The following NAA60 variants were observed in gnomAD, a reference collection of about 807,000 sequenced individuals.
NAA60 encodes the protein N-alpha-acetyltransferase 60, NatF catalytic subunit, also known as N-alpha-acetyltransferase 60.
In NAA60, 8 loss-of-function variants were observed where a neutral mutation model predicts 26.1. The observed-to-expected ratio is 0.31, with a 90% CI of 0.18 to 0.55. The LOEUF is 0.55. Ranked by LOEUF, NAA60 falls within the 20% of genes least tolerant of loss-of-function variation. The pLI, the probability that NAA60 is intolerant of heterozygous loss-of-function variation, is 0.93. For missense variants in NAA60, 290 were observed against 311.3 expected, an observed-to-expected ratio of 0.93 and a Z score of 0.51; for synonymous variants, 131 against 122.5, an observed-to-expected ratio of 1.07 and a Z score of -0.46.
rs1363318912 is a variant in NAA60 at position 3,483,694 on chromosome 16, G to A, written c.572+97G>A. On this transcript the variant is annotated intron_variant, in intron 6 of 7. Coordinates refer to ENST00000407558, the MANE Select transcript of NAA60 (RefSeq NM_001083601.3). ...GGAGCTGTGGTCCCCCTCAGATGATGTTCAGGTGGCCAAGCTTATGGATGC... is the reference window on the plus strand; with the variant it reads ...GGAGCTGTGGTCCCCCTCAGATGATATTCAGGTGGCCAAGCTTATGGATGC... 21 of 941,684 alleles carry A rather than the reference G, an allele frequency of 2.2e-5. No homozygotes were observed. In the East Asian group the frequency reaches 5.0e-4, roughly 23 times the overall value. 58.3% of individuals were successfully genotyped at this position (941,684 alleles called of 1,614,324 possible). A position where few individuals can be genotyped will look rare whatever the true frequency, so the allele number is the denominator to read the frequency against.
At chr16:3,463,998 A>G (rs2035582869) in intron 2 of NAA60, among the ~76,000 whole-genome samples, 1 of 152,262 alleles carries the variant, frequency 6.6e-6, no homozygotes, top group Non-Finnish European at 1.5e-5. Context: ...TTGCTGGGGC[A>G]GATTCAGGCA....
chr16:3,475,692 G>A (rs2151002698), intron 2 of NAA60, among the ~76,000 whole-genome samples: 1 of 152,222 alleles, frequency 6.6e-6, no homozygotes, highest in Middle Eastern at 3.4e-3. Flanking sequence ...GAGAAATTGG[G>A]GTGTGACCCA....
At position 3,443,715 on chromosome 16, in the gene NAA60, G is replaced by C. The variant is rs752311824; in HGVS notation, c.-199G>C. 4.0e-5 allele frequency: 59 copies of C among 1,465,826 alleles called. 1 individual carries two copies. Among genetic ancestry groups the C allele is most frequent in the Non-Finnish European group, 4.9e-5 (55 of 1,111,152 alleles). The allele number at this position is 1,465,826 out of a possible 1,614,324, so 90.8% of individuals were successfully genotyped here. ...TGGCGGGGTCTCCTCCGTGAGCTCC[G>C]GGCCTGTTTGCCTGCTGAAGTAGAG... On this transcript the variant is annotated 5_prime_UTR_variant, in exon 1 of 8. Transcript: ENST00000407558.
chr16:3,454,587 G>A (rs1020114751), intron 2 of NAA60, among the ~76,000 whole-genome samples: 9 of 152,304 alleles, frequency 5.9e-5, no homozygotes, highest in Middle Eastern at 3.4e-3. Context: ...CACAAACTGA[G>A]TAGCCTGTTA....
chr16:3,456,360 T>G (rs542301613), intron 2 of NAA60, among the ~76,000 whole-genome samples: 32 of 152,312 alleles, frequency 2.1e-4, no homozygotes, highest in African/African-American at 7.0e-4. Context: ...TTTTGCCTGT[T>G]TTTATGATTG....
intron 4 of NAA60, 76 bp from the exon 5 acceptor site, chr16:3,482,425 GC>G: frequency 8.1e-7 from 1 of 1,230,790 alleles, no homozygotes; most frequent in Non-Finnish European, 1.2e-6. Flanking sequence ...TCGGTGCGGA[GC>G]CCGCCTGGGC....
chr16:3,482,522 C>G lies in NAA60; in HGVS notation c.261C>G (p.Ser87=). The stretch of plus-strand genomic sequence containing the variant: ...TCTAGGATGGAGATATTCTAGCATC[C>G]AACTTCTCTGTTGACACACAAGTCG... ...IHKEDGDILA[S]NFSVDTQVAY... The change falls in exon 5 of 8, where the codon TCC becomes TCG. Residue 87 remains serine (S), a synonymous_variant. Coordinates refer to ENST00000407558, the MANE Select transcript of NAA60 (RefSeq NM_001083601.3). 1.9e-6 allele frequency: 3 copies of G among 1,605,034 alleles called. No individual in the cohort carries two copies. Among genetic ancestry groups the G allele is most frequent in the Non-Finnish European group, 2.6e-6 (3 of 1,175,852 alleles).
At chr16:3,447,602 C>G (rs1198377101) in intron 1 of NAA60, 1 of 985,292 alleles carries the variant, frequency 1.0e-6, no homozygotes, top group East Asian at 1.1e-4. Flanking sequence ...GCCTTCTCAC[C>G]TACACTAAGG....
intron 4 of NAA60, among the ~76,000 whole-genome samples, chr16:3,480,446 A>T (rs1012096418): frequency 6.6e-6 from 1 of 151,720 alleles, no homozygotes; most frequent in Non-Finnish European, 1.5e-5. Flanking sequence ...AAAATACAAA[A>T]ATTAGCCGGG....
rs371294887 is a variant in NAA60 at position 3,476,253 on chromosome 16, C to T, written c.26C>T (p.Ala9Val). The T allele has an allele frequency of 1.7e-5, 27 of 1,613,628 alleles. No homozygotes were observed. Among genetic ancestry groups the T allele is most frequent in the Admixed American group, 6.7e-5 (4 of 59,962 alleles). The change falls in exon 3 of 8, where the codon GCG becomes GTG. Residue 9 changes from alanine (A) to valine (V), a missense_variant. Transcript: ENST00000407558. Reference protein sequence around the residue: MTEVVPSSALSEVSLRLLC... With the variant: MTEVVPSSVLSEVSLRLLC... ...ATGACAGAGGTGGTGCCATCCAGCG[C>T]GCTCAGCGAGGTCAGCCTGCGCCTC...
intron 3 of NAA60, 49 bp downstream of exon 3, chr16:3,476,386 G>T (rs763988572): frequency 6.6e-7 from 1 of 1,523,962 alleles, no homozygotes; most frequent in Non-Finnish European, 9.0e-7. Context: ...AGCCTCAGGT[G>T]CAGAAGCTGG....
intron 1 of NAA60, among the ~76,000 whole-genome samples, chr16:3,447,836 C>T (rs946645111): frequency 6.6e-6 from 1 of 152,122 alleles, no homozygotes; most frequent in Non-Finnish European, 1.5e-5. Context: ...TTCATTTAGC[C>T]TTGAGTTGAA....
chr16:3,481,714 C>T (rs1328883962), intron 4 of NAA60, among the ~76,000 whole-genome samples: 3 of 152,202 alleles, frequency 2.0e-5, no homozygotes, highest in Non-Finnish European at 4.4e-5. Context: ...AGCTGGGGAA[C>T]AGACACCCTT....
intron 6 of NAA60, chr16:3,483,909 A>G: frequency 2.6e-6 from 1 of 382,632 alleles, no homozygotes; most frequent in Non-Finnish European, 4.7e-6. Context: ...CTCCTGCTCC[A>G]CTTGCACTGG....
At chr16:3,458,707 C>T (rs983921825) in intron 2 of NAA60, among the ~76,000 whole-genome samples, 1 of 152,186 alleles carries the variant, frequency 6.6e-6, no homozygotes, top group Non-Finnish European at 1.5e-5. Flanking sequence ...GGGGCTCCGT[C>T]TAGGTCTCCT....
intron 2 of NAA60, among the ~76,000 whole-genome samples, chr16:3,460,725 C>T (rs899804762): frequency 6.6e-6 from 1 of 152,124 alleles, no homozygotes; most frequent in Non-Finnish European, 1.5e-5. Flanking sequence ...GGGGTGTGGA[C>T]CCTGCATCGA....
chr16:3,475,510 A>G (rs1285846929), intron 2 of NAA60, among the ~76,000 whole-genome samples: 3 of 151,876 alleles, frequency 2.0e-5, no homozygotes, highest in East Asian at 1.9e-4. Flanking sequence ...CTTCCTTTCT[A>G]TACAAACTTC....
At chr16:3,474,730 C>G (rs927282991) in intron 2 of NAA60, among the ~76,000 whole-genome samples, 15 of 152,240 alleles carry the variant, frequency 9.9e-5, no homozygotes, top group African/African-American at 3.4e-4. Context: ...CAGCAGCTTT[C>G]AGCTGCGGAT....
chr16:3,458,253 A>C, intron 2 of NAA60: 3 of 921,618 alleles, frequency 3.3e-6, no homozygotes, highest in Non-Finnish European at 3.9e-6. Flanking sequence ...GTAGGCGGGG[A>C]GGCCGCGCCG....
Sources: gnomAD v4.1 joint callset for allele counts (sites outside exome capture counted in the v4.1 genomes callset) on GRCh38, gnomAD v4.1.1 for gene constraint, MANE v1.5 for transcripts, NCBI Gene and HGNC (gene_info 2026-07-23, HGNC 2026-07-21) for gene names.